Variants in PTRH1 observed in about 807,000 individuals in gnomAD.
PTRH1 encodes the protein peptidyl-tRNA hydrolase 1 homolog.
PTRH1 carries 13 observed loss-of-function variants against 15.7 expected under a neutral mutation model. The observed-to-expected ratio is 0.83, with a 90% confidence interval of 0.54 to 1.31. The LOEUF (loss-of-function observed/expected upper bound fraction) is 1.31, where lower values mean the gene tolerates loss of function less well. Among genes scored for constraint, PTRH1 ranks in the 40% most tolerant of loss-of-function variants. PTRH1 has a pLI of 0.00. For missense variants in PTRH1, 319 were observed against 296.2 expected, an observed-to-expected ratio of 1.08 and a Z score of -0.56; for synonymous variants, 139 against 136.7, an observed-to-expected ratio of 1.02 and a Z score of -0.12.
At position 127,715,653 on chromosome 9, in the gene PTRH1, A is replaced by T. The variant is rs771496957; in HGVS notation, c.-14T>A. 4.4e-6 allele frequency: 7 copies of T among 1,607,108 alleles called. No individual in the cohort carries two copies. The highest frequency in any genetic ancestry group is 5.9e-6 in the Non-Finnish European group (7 of 1,178,480). ...GCCCGGCCTCATGCTGCCCCCATTCACTCCGACACCGCCCCCTGACGTCAT... is the reference window on the plus strand; with the variant it reads ...GCCCGGCCTCATGCTGCCCCCATTCTCTCCGACACCGCCCCCTGACGTCAT... On this transcript the variant is annotated 5_prime_UTR_variant, in exon 1 of 5. Transcript: ENST00000543175. The surrounding 1 kb of genome is among the most constrained non-coding windows in gnomAD (Gnocchi z 5.8).
downstream of PTRH1, chr9:127,713,572 T>A (rs544004812): frequency 8.4e-4 from 266 of 316,972 alleles, no homozygotes; most frequent in Admixed American, 1.8e-3. Flanking sequence ...AGTGCCACAA[T>A]CTCAGCTCAC....
chr9:127,696,103 TGAG>T (rs1223107106), intron 1 of PTRH1: 1 of 152,104 alleles, frequency 6.6e-6, no homozygotes, highest in Non-Finnish European at 1.5e-5. Flanking sequence ...TTTGGGAGGC[TGAG>T]GAGGGTGGAT....
rs752256120 is a variant in PTRH1, at chr9:127,715,631, C to G, written c.9G>C (p.Pro3=). 5.0e-6 allele frequency: 8 copies of G among 1,611,944 alleles called. No individual in the cohort carries two copies. Among genetic ancestry groups the G allele is most frequent in the Non-Finnish European group, 2.5e-6 (3 of 1,179,878 alleles). ...GCTGTCCGGCGCCCAAAAAGCCGCC[C>G]GGCCTCATGCTGCCCCCATTCACTC... The part of the protein sequence containing the change: MR[P]GGFLGAGQRL... Residue 3 remains proline (P), a synonymous_variant, in exon 1 of 5, where the codon CCG becomes CCC. Transcript: ENST00000543175. This position sits in a 1 kb window ranked among gnomAD's most constrained non-coding sequence, Gnocchi z 5.8.
At chr9:127,710,153 T>A (rs1368672390), downstream of PTRH1, among the ~76,000 whole-genome samples, 1 of 151,910 alleles carries the variant, frequency 6.6e-6, no homozygotes, top group East Asian at 1.9e-4. Context: ...TGCACATATG[T>A]AGTCCCAGCT....
At chr9:127,696,766 G>A (rs1407325307) in intron 1 of PTRH1, among the ~76,000 whole-genome samples, 1 of 152,162 alleles carries the variant, frequency 6.6e-6, no homozygotes, top group Non-Finnish European at 1.5e-5. Flanking sequence ...GGAGGCTGAG[G>A]CAGGAGAATC....
intron 1 of PTRH1, among the ~76,000 whole-genome samples, chr9:127,706,197 C>A (rs1377385885): frequency 1.3e-5 from 2 of 152,226 alleles, no homozygotes; most frequent in Non-Finnish European, 2.9e-5. Context: ...CCAATCACTT[C>A]TCTGACCTTT....
chr9:127,695,086 A>ATGATGATGATGG (rs1564361227), exon 2 of PTRH1: 4 of 690,166 alleles, frequency 5.8e-6, no homozygotes, highest in South Asian at 4.5e-5. Context: ...GATGATGATG[A>ATGATGATGATGG]TGATGATGGT....
chr9:127,714,421 G>A lies in PTRH1; in HGVS notation c.420C>T (p.Gly140=). The change falls in exon 4 of 5, where the codon GGC becomes GGT. Residue 140 remains glycine, a synonymous_variant. Coordinates refer to ENST00000543175, the MANE Select transcript of PTRH1 (RefSeq NM_001002913.3). ...TAATGCAGGAACGGACTCCATTGTG[G>A]CCCCTTCAAGGGATATGGGAGGGGC... ...LALKLGGSAR[G]HNGVRSCISC... The A allele has an allele frequency of 1.9e-6, 3 of 1,614,180 alleles. No individual in the cohort carries two copies. Among genetic ancestry groups the A allele is most frequent in the Non-Finnish European group, 1.7e-6 (2 of 1,179,998 alleles).
At chr9:127,709,762 C>G, downstream of PTRH1, 2 of 1,497,108 alleles carry the variant, frequency 1.3e-6, no homozygotes, top group Non-Finnish European at 1.8e-6. The surrounding 1 kb of genome is among the most constrained non-coding windows in gnomAD (Gnocchi z 4.7). Flanking sequence ...CTGTTTCTCA[C>G]CTGGGAAACA....
At chr9:127,702,047 C>T (rs980071421) in intron 1 of PTRH1, among the ~76,000 whole-genome samples, 6 of 151,482 alleles carry the variant, frequency 4.0e-5, no homozygotes, top group African/African-American at 1.2e-4. Context: ...AACAGGGAGA[C>T]CCCCGTCTCT....
At chr9:127,694,167 A>G (rs1015342421) in intron 2 of PTRH1, among the ~76,000 whole-genome samples, 6 of 152,010 alleles carry the variant, frequency 3.9e-5, no homozygotes, top group Non-Finnish European at 5.9e-5. Flanking sequence ...CCTAGGCTCA[A>G]GCGATTGGCC....
At chr9:127,714,825 G>T (rs1842891355) in intron 2 of PTRH1, 123 bp from the exon 3 acceptor site, 1 of 1,069,112 alleles carries the variant, frequency 9.4e-7, no homozygotes, top group Non-Finnish European at 1.4e-6. Flanking sequence ...GAGGCCCCCC[G>T]AAGTACCCAA....
At chr9:127,709,734 C>T (rs1173385256), downstream of PTRH1, 1 of 1,590,316 alleles carries the variant, frequency 6.3e-7, no homozygotes, top group Non-Finnish European at 8.6e-7. This position sits in a 1 kb window ranked among gnomAD's most constrained non-coding sequence, Gnocchi z 4.7. Flanking sequence ...GGCACACATC[C>T]CAGCTCTATC....
At chr9:127,711,816 G>A (rs745823210), downstream of PTRH1, 375 of 1,560,198 alleles carry the variant, frequency 2.4e-4, no homozygotes, top group Non-Finnish European at 3.0e-4. Context: ...GTCCGCACCC[G>A]CAGATCATCC....
downstream of PTRH1, chr9:127,710,757 G>C (rs749054423): frequency 5.1e-6 from 8 of 1,560,146 alleles, no homozygotes; most frequent in Non-Finnish European, 6.1e-6. Flanking sequence ...AAGGACAGGT[G>C]GGCAAGCGGG....
downstream of PTRH1, chr9:127,712,030 C>A: frequency 6.5e-7 from 1 of 1,529,534 alleles, no homozygotes; most frequent in Non-Finnish European, 8.8e-7. Context: ...GATCCCACGA[C>A]CCAGGCCAGT....
rs770033861 is a variant in PTRH1 at position 127,715,573 on chromosome 9, C to A, written c.67G>T (p.Glu23Ter). 1 of 1,613,538 alleles carries A rather than the reference C, an allele frequency of 6.2e-7. No homozygotes were observed. The highest frequency in any genetic ancestry group is 1.1e-5 in the South Asian group (1 of 91,082). ...LSRAMSRCVL[E>*]PRPPGKRWMV... Reference sequence around the variant, plus strand: ...CACCGCTTCCCCGGGGGGCGAGGCTCCAAAACACATCGGCTCATGGCTCTA... The same window carrying A: ...CACCGCTTCCCCGGGGGGCGAGGCTACAAAACACATCGGCTCATGGCTCTA... The change falls in exon 1 of 5, where the codon GAG becomes TAG. Residue 23 changes from glutamate (E) to a stop codon, truncating the protein, a stop_gained. Coordinates refer to ENST00000543175, the MANE Select transcript of PTRH1 (RefSeq NM_001002913.3). LOFTEE classifies it high-confidence loss of function. The surrounding 1 kb of genome is among the most constrained non-coding windows in gnomAD (Gnocchi z 5.8).
In PTRH1 at chr9:127,705,610, G is replaced by A. The variant is rs1842638647; in HGVS notation, c.205+9825C>T. ...CCCTGCAATGGGCCTGGGGAAAAGA[G>A]AATAGAAATGGGGGAGGCACGGGGA... On this transcript the variant is annotated intron_variant, in intron 1 of 2. Coordinates refer to the PTRH1 transcript ENST00000335223. This position sits in a 1 kb window ranked among gnomAD's most constrained non-coding sequence, Gnocchi z 4.7. Among the ~76,000 whole-genome samples, 1 of 152,250 alleles carries A rather than the reference G, an allele frequency of 6.6e-6. No homozygotes were observed. Among genetic ancestry groups the A allele is most frequent in the African/African-American group, 2.4e-5 (1 of 41,470 alleles).
chr9:127,695,301 T>C (rs1842549760), intron 1 of PTRH1: 1 of 585,164 alleles, frequency 1.7e-6, no homozygotes, highest in African/African-American at 1.9e-5. Context: ...TCTCAGACAC[T>C]TAACAATGAG....
Sources: gnomAD v4.1 joint callset for allele counts (sites outside exome capture counted in the v4.1 genomes callset) on GRCh38, gnomAD v4.1.1 for gene constraint, Gnocchi (gnomAD v3.1) non-coding constraint, MANE v1.5 for transcripts, NCBI Gene and HGNC (gene_info 2026-07-23, HGNC 2026-07-21) for gene names.